RGS6: variants seen among roughly 807,000 people sequenced by gnomAD.
RGS6 encodes regulator of G protein signaling 6.
In RGS6, 30 loss-of-function variants were observed where a neutral mutation model predicts 78.5. That is an observed-to-expected ratio of 0.38 (90% CI 0.29 to 0.52). RGS6 has a LOEUF of 0.52. RGS6 is among the 20% of genes least tolerant of loss of function. The pLI, the probability that RGS6 is intolerant of heterozygous loss-of-function variation, is 0.85. For missense variants in RGS6, 495 were observed against 609.7 expected, an observed-to-expected ratio of 0.81 and a Z score of 1.98; for synonymous variants, 206 against 206.0, an observed-to-expected ratio of 1.00 and a Z score of 0.00.
chr14:72,434,221 C>T (rs550065352), intron 3 of RGS6, among the ~76,000 whole-genome samples: 2 of 152,186 alleles, frequency 1.3e-5, no homozygotes, highest in Admixed American at 1.3e-4. Context: ...CCTATAGTCT[C>T]AGCTACTCCA....
intron 2 of RGS6, among the ~76,000 whole-genome samples, chr14:71,968,524 T>C (rs1404617418): frequency 6.6e-6 from 1 of 152,200 alleles, no homozygotes; most frequent in Non-Finnish European, 1.5e-5. Flanking sequence ...CCTTAGATAT[T>C]TTCTAGTCTT....
intron 12 of RGS6, among the ~76,000 whole-genome samples, chr14:72,480,959 T>G (rs1489109548): frequency 6.6e-6 from 1 of 152,052 alleles, no homozygotes; most frequent in Non-Finnish European, 1.5e-5. Flanking sequence ...ATGTCTACAG[T>G]CAGGGTTGGA....
intron 3 of RGS6, among the ~76,000 whole-genome samples, chr14:72,428,588 C>A (rs1284552685): frequency 6.6e-6 from 1 of 152,152 alleles, no homozygotes; most frequent in Non-Finnish European, 1.5e-5. Flanking sequence ...GTGCAGAGTT[C>A]TCTTCATCAA....
intron 2 of RGS6, among the ~76,000 whole-genome samples, chr14:72,304,462 G>A (rs1007751508): frequency 6.6e-6 from 1 of 152,144 alleles, no homozygotes; most frequent in Non-Finnish European, 1.5e-5. Flanking sequence ...TTTACTCTTT[G>A]GTTCCACAGC....
At chr14:72,337,174 T>C (rs2239244) in intron 2 of RGS6, among the ~76,000 whole-genome samples, 1 of 151,374 alleles carries the variant, frequency 6.6e-6, no homozygotes, top group South Asian at 2.1e-4. Context: ...TAGGAAAGTT[T>C]CCCATGAGAC....
intron 2 of RGS6, among the ~76,000 whole-genome samples, chr14:72,230,730 GA>G (rs1324785856): frequency 6.6e-6 from 1 of 152,170 alleles, no homozygotes; most frequent in South Asian, 2.1e-4. Context: ...CTTCCTCGGG[GA>G]AACCTCAATT....
At chr14:72,448,727 A>G (rs2095425270) in intron 3 of RGS6, among the ~76,000 whole-genome samples, 1 of 152,224 alleles carries the variant, frequency 6.6e-6, no homozygotes, top group African/African-American at 2.4e-5. Context: ...TTCAGGAAAA[A>G]AACTGAATAC....
chr14:72,247,512 C>G (rs1440917598), intron 2 of RGS6, among the ~76,000 whole-genome samples: 1 of 152,134 alleles, frequency 6.6e-6, no homozygotes, highest in African/African-American at 2.4e-5. Flanking sequence ...GGCATTCACT[C>G]CAGAGGCACA....
intron 2 of RGS6, among the ~76,000 whole-genome samples, chr14:71,994,963 G>A (rs564499522): frequency 2.6e-5 from 4 of 152,220 alleles, no homozygotes; most frequent in African/African-American, 9.6e-5. Flanking sequence ...CCAGCAAGAC[G>A]GGATGTTTCA....
At chr14:72,069,384 A>C (rs1296776574) in intron 2 of RGS6, among the ~76,000 whole-genome samples, 3 of 152,064 alleles carry the variant, frequency 2.0e-5, no homozygotes, top group Non-Finnish European at 4.4e-5. Flanking sequence ...TAGCATGCAT[A>C]CTTTATTTAT....
At chr14:72,200,975 A>G (rs1305483402) in intron 2 of RGS6, among the ~76,000 whole-genome samples, 2 of 147,960 alleles carry the variant, frequency 1.4e-5, no homozygotes, top group East Asian at 2.0e-4. Flanking sequence ...AAAAAAAAAA[A>G]AAAAAAAAAA....
chr14:72,172,692 C>T (rs2153685280), intron 2 of RGS6, among the ~76,000 whole-genome samples: 1 of 152,292 alleles, frequency 6.6e-6, no homozygotes, highest in South Asian at 2.1e-4. Context: ...CCTCAAGTCC[C>T]TTTCATGTGC....
chr14:72,142,470 G>A (rs2096553760), intron 2 of RGS6, among the ~76,000 whole-genome samples: 2 of 152,192 alleles, frequency 1.3e-5, no homozygotes, highest in Admixed American at 6.5e-5. Flanking sequence ...AGGCCTGCAT[G>A]AAAATCACTC....
In RGS6 at chr14:72,082,454, A is replaced by G. The variant is rs535868183; in HGVS notation, c.84+117579A>G. ...TTTTCAGGTAATTCATTACTGGTGT[A>G]TAGAAACACCTCTGAGTTTTGTATG... On this transcript the variant is annotated intron_variant, in intron 2 of 17. Coordinates refer to ENST00000553525, the MANE Select transcript of RGS6 (RefSeq NM_001204424.2). Among the ~76,000 whole-genome samples, 5 of 152,188 alleles carry G rather than the reference A, an allele frequency of 3.3e-5. No individual in the cohort carries two copies. In the South Asian group the frequency reaches 1.0e-3, roughly 32 times the overall value.
chr14:72,488,944 G>A (rs575059953), intron 12 of RGS6, among the ~76,000 whole-genome samples: 73 of 152,268 alleles, frequency 4.8e-4, no homozygotes, highest in African/African-American at 1.7e-3. Flanking sequence ...AGGGAGGAGG[G>A]GAGGACATTT....
intron 2 of RGS6, among the ~76,000 whole-genome samples, chr14:71,981,510 T>C (rs1401528447): frequency 2.0e-5 from 3 of 151,488 alleles, no homozygotes; most frequent in African/African-American, 4.9e-5. Context: ...TCTGTTGGAA[T>C]ACCCGGCCGT....
the RGS6 span, among the ~76,000 whole-genome samples, chr14:72,607,371 C>G: frequency 1.2e-4 from 19 of 152,316 alleles, 1 homozygote; most frequent in East Asian, 3.7e-3. Context: ...GGACAGCCAC[C>G]TTCTCACTCC....
At chr14:72,218,680 T>C (rs944493330) in intron 2 of RGS6, among the ~76,000 whole-genome samples, 6 of 152,090 alleles carry the variant, frequency 3.9e-5, no homozygotes, top group African/African-American at 1.2e-4. Flanking sequence ...GGCACGATCT[T>C]AGCTCACTGC....
At chr14:72,020,535 T>C (rs1347228126) in intron 2 of RGS6, among the ~76,000 whole-genome samples, 3 of 147,396 alleles carry the variant, frequency 2.0e-5, no homozygotes, top group Non-Finnish European at 4.5e-5. Context: ...GCCACTGTTT[T>C]CTTGTCTCTG....
Sources: allele counts gnomAD v4.1 joint callset (sites outside exome capture counted in the v4.1 genomes callset), GRCh38; gene constraint gnomAD v4.1.1; transcripts MANE v1.5; gene names NCBI Gene and HGNC (gene_info 2026-07-23, HGNC 2026-07-21).